ZNF138: variants seen among roughly 807,000 people sequenced by gnomAD.
ZNF138 encodes the protein zinc finger protein 138, also known as zinc finger protein 138 (clone pHZ-32).
In ZNF138, 33 loss-of-function variants were observed where a neutral mutation model predicts 33.0. The ratio of observed to expected loss-of-function variants is 1.00; its 90% CI spans 0.76 to 1.34. The LOEUF (loss-of-function observed/expected upper bound fraction) is 1.34, where lower values mean the gene tolerates loss of function less well. Among genes scored for constraint, ZNF138 ranks in the 40% most tolerant of loss-of-function variants. The pLI, the probability that ZNF138 is intolerant of heterozygous loss-of-function variation, is 0.00. For missense variants in ZNF138, 360 were observed against 370.8 expected, an observed-to-expected ratio of 0.97 and a Z score of 0.24; for synonymous variants, 139 against 120.4, an observed-to-expected ratio of 1.15 and a Z score of -1.01.
In ZNF138 at chr7:64,794,971, C is replaced by T. The variant is rs931058607; in HGVS notation, c.3+400C>T. ...CTATTAAAATTTATGAAAGTCACCGCAAAAAAATTAATTTAATCAAACAGT... is the reference window on the plus strand; with the variant it reads ...CTATTAAAATTTATGAAAGTCACCGTAAAAAAATTAATTTAATCAAACAGT... On this transcript the variant is annotated intron_variant, in intron 1 of 3. Coordinates refer to ENST00000307355, the MANE Select transcript of ZNF138 (RefSeq NM_001271639.2). 2.0e-5 allele frequency among the ~76,000 whole-genome samples: 3 copies of T among 151,966 alleles called. No homozygotes were observed. The East Asian group carries it at 5.8e-4, about 29-fold the overall frequency.
At chr7:64,803,216 C>G (rs956003588) in intron 1 of ZNF138, among the ~76,000 whole-genome samples, 1 of 142,928 alleles carries the variant, frequency 7.0e-6, no homozygotes, top group African/African-American at 2.6e-5. Flanking sequence ...TTGTCTTTAT[C>G]TAGGACCTCA....
intron 2 of ZNF138, 131 bp from the exon 3 acceptor site, chr7:64,815,445 G>C: frequency 1.5e-6 from 1 of 647,708 alleles, no homozygotes; most frequent in Non-Finnish European, 2.4e-6. Flanking sequence ...TTAGCATTTT[G>C]GGATTAATTT....
intron 1 of ZNF138, among the ~76,000 whole-genome samples, chr7:64,796,886 T>TCATCAGCCTACTCATTCA (rs1786730690): frequency 6.6e-6 from 1 of 152,070 alleles, no homozygotes; most frequent in East Asian, 1.9e-4. Flanking sequence ...CTACTAAAAA[T>TCATCAGCCTACTCATTCA]ACAAAAATTA....
chr7:64,800,943 T>C (rs918478343), intron 1 of ZNF138, among the ~76,000 whole-genome samples: 30 of 152,196 alleles, frequency 2.0e-4, no homozygotes, highest in African/African-American at 7.0e-4. Context: ...GTACTATTTC[T>C]TTTAGATTTT....
At chr7:64,818,749 A>T (rs1324314205) in intron 3 of ZNF138, among the ~76,000 whole-genome samples, 1 of 137,104 alleles carries the variant, frequency 7.3e-6, no homozygotes, top group East Asian at 2.1e-4. Context: ...GACTCCATCT[A>T]AAAAAAAAAA....
chr7:64,848,777 G>A, the ZNF138 span, among the ~76,000 whole-genome samples: 6 of 136,586 alleles, frequency 4.4e-5, no homozygotes, highest in Admixed American at 1.7e-4. Context: ...TGATCTCTGC[G>A]CACTGCAGGC....
chr7:64,826,021 G>C (rs1332421979), intron 3 of ZNF138, among the ~76,000 whole-genome samples: 2 of 151,962 alleles, frequency 1.3e-5, no homozygotes, highest in African/African-American at 4.8e-5. Flanking sequence ...ATTTTTTGTA[G>C]TGATAGGGTT....
chr7:64,805,413 A>AAACAAAAC (rs113598762), intron 1 of ZNF138, among the ~76,000 whole-genome samples: 9,146 of 123,532 alleles, frequency 0.074, 488 homozygotes, highest in East Asian at 0.28. Flanking sequence ...AAACAAAACA[A>AAACAAAAC]AAAAAAAAAC....
At chr7:64,830,777 G>A (rs1156403441) in intron 3 of ZNF138, among the ~76,000 whole-genome samples, 1 of 151,876 alleles carries the variant, frequency 6.6e-6, no homozygotes, top group African/African-American at 2.4e-5. Context: ...CTTTGTCCTG[G>A]CAAAGTCTGA....
chr7:64,796,955 T>A lies in ZNF138; in HGVS notation c.3+2384T>A, dbSNP rs1786737706. On this transcript the variant is annotated intron_variant, in intron 1 of 3. Transcript: ENST00000307355. ...ATCCCAGCTATTCGGGAGGCTGAGG[T>A]GGGAGAATCATTTGAACCCCATAGG... Among the ~76,000 whole-genome samples, 4 of 151,922 alleles carry A rather than the reference T, an allele frequency of 2.6e-5. No homozygotes were observed. In the South Asian group the frequency reaches 8.3e-4, roughly 32 times the overall value.
intron 1 of ZNF138, among the ~76,000 whole-genome samples, chr7:64,798,387 T>C (rs1484183857): frequency 6.6e-6 from 1 of 152,240 alleles, no homozygotes; most frequent in Non-Finnish European, 1.5e-5. Context: ...TATATTTTGA[T>C]TAAGAAGTAT....
intron 1 of ZNF138, among the ~76,000 whole-genome samples, chr7:64,799,525 T>A (rs550299105): frequency 6.6e-6 from 1 of 152,366 alleles, no homozygotes; most frequent in Non-Finnish European, 1.5e-5. Flanking sequence ...CATATCTGAC[T>A]TATTTAAGCA....
chr7:64,835,449 C>G (rs1790339715), downstream of ZNF138: 1 of 151,964 alleles, frequency 6.6e-6, no homozygotes, highest in Non-Finnish European at 1.5e-5. Context: ...CATTATTATA[C>G]AGAGAATTAT....
chr7:64,803,103 C>A (rs1787282814), intron 1 of ZNF138, among the ~76,000 whole-genome samples: 1 of 152,032 alleles, frequency 6.6e-6, no homozygotes, highest in Non-Finnish European at 1.5e-5. Context: ...ATTTATTTTT[C>A]TTTAAAGCAC....
chr7:64,831,818 G>C lies in ZNF138; in HGVS notation c.576G>C (p.Glu192Asp), dbSNP rs1790111935. 1.2e-6 allele frequency: 2 copies of C among 1,613,458 alleles called. No homozygotes were observed. Among genetic ancestry groups the C allele is most frequent in the Non-Finnish European group, 8.5e-7 (1 of 1,179,886 alleles). Residue 192 changes from glutamate (E) to aspartate (D), a missense_variant, in exon 4 of 4, where the codon GAG becomes GAC. Glu to Asp is a conservative substitution (Grantham distance 45). Transcript: ENST00000307355. ...LTQHKKIHTR[E>D]NFYKCEECGK... The stretch of plus-strand genomic sequence containing the variant: ...AACATAAAAAAATTCATACTAGAGA[G>C]AATTTCTACAAATGTGAAGAGTGTG...
chr7:64,814,526 G>A (rs925410521), intron 1 of ZNF138, among the ~76,000 whole-genome samples: 3 of 152,130 alleles, frequency 2.0e-5, no homozygotes, highest in African/African-American at 7.2e-5. Flanking sequence ...CAGCACTTTG[G>A]GAGGCCGAGG....
chr7:64,854,003 A>AAAAAC, the ZNF138 span, among the ~76,000 whole-genome samples: 1 of 145,534 alleles, frequency 6.9e-6, no homozygotes, highest in Non-Finnish European at 1.5e-5. Flanking sequence ...TCTGTCTCAA[A>AAAAAC]AAAACAAAAC....
the ZNF138 span, among the ~76,000 whole-genome samples, chr7:64,850,430 G>T: frequency 6.6e-6 from 1 of 152,188 alleles, no homozygotes. Context: ...ACTGCTCTGA[G>T]TGGGAGCTGC....
intron 1 of ZNF138, among the ~76,000 whole-genome samples, chr7:64,797,199 T>C (rs1786757985): frequency 6.6e-6 from 1 of 151,978 alleles, no homozygotes; most frequent in South Asian, 2.1e-4. Context: ...GTCATCTTGA[T>C]TTCTGAGGTT....
Sources: allele counts gnomAD v4.1 joint callset (sites outside exome capture counted in the v4.1 genomes callset), GRCh38; gene constraint gnomAD v4.1.1; transcripts MANE v1.5; gene names NCBI Gene and HGNC (gene_info 2026-07-23, HGNC 2026-07-21).